CLVS1: variants seen among roughly 807,000 people sequenced by gnomAD.
CLVS1 encodes the protein clavesin-1.
CLVS1 carries 10 observed loss-of-function variants against 33.1 expected under a neutral mutation model. The ratio of observed to expected loss-of-function variants is 0.30; its 90% CI spans 0.19 to 0.51. CLVS1 has a LOEUF of 0.51. CLVS1 is among the 20% of genes least tolerant of loss of function. The pLI is 0.97. For synonymous variants in CLVS1, 163 were observed against 166.1 expected (o/e 0.98, Z 0.14); for missense variants, 343 against 433.4 (o/e 0.79, Z 1.85).
chr8:61,058,635 G>A (rs1005766751), intron 1 of CLVS1, among the ~76,000 whole-genome samples: 1 of 152,154 alleles, frequency 6.6e-6, no homozygotes, highest in African/African-American at 2.4e-5. Context: ...CATCACTACT[G>A]TCAAGATAGT....
chr8:60,964,968 C>T, the CLVS1 span: 1 of 152,072 alleles, frequency 6.6e-6, no homozygotes, highest in East Asian at 1.9e-4. Context: ...TAGGAGCAGG[C>T]CTGGGAAGTT....
chr8:61,209,774 G>T (rs1318225047), intron 2 of CLVS1, among the ~76,000 whole-genome samples: 1 of 152,192 alleles, frequency 6.6e-6, no homozygotes, highest in Non-Finnish European at 1.5e-5. Context: ...TGAATTTCAA[G>T]GTCAGTGTGG....
At chr8:61,186,718 T>C (rs972538869) in intron 2 of CLVS1, among the ~76,000 whole-genome samples, 1 of 152,072 alleles carries the variant, frequency 6.6e-6, no homozygotes, top group African/African-American at 2.4e-5. Context: ...GACTCTGTAA[T>C]TGAAAATAGT....
At chr8:61,060,063 G>GATC (rs1804557334) in intron 1 of CLVS1, among the ~76,000 whole-genome samples, 1 of 152,088 alleles carries the variant, frequency 6.6e-6, no homozygotes, top group South Asian at 2.1e-4. Flanking sequence ...TTGGCAGTAG[G>GATC]ATCACTCACC....
the CLVS1 span, among the ~76,000 whole-genome samples, chr8:61,049,894 T>A: frequency 1.3e-5 from 2 of 152,274 alleles, no homozygotes; most frequent in Admixed American, 6.5e-5. Flanking sequence ...TGTATAGTTC[T>A]AAGCTGCAAC....
At chr8:61,147,873 TGACGCTGTCAG>T (rs199550829) in intron 2 of CLVS1, among the ~76,000 whole-genome samples, 2,036 of 152,334 alleles carry the variant, frequency 0.013, 53 homozygotes, top group African/African-American at 0.047. Context: ...TCAATTGCAA[TGACGCTGTCAG>T]GAACCCCTGA....
intron 3 of CLVS1, among the ~76,000 whole-genome samples, chr8:61,427,660 C>T (rs1815944150): frequency 6.6e-6 from 1 of 152,196 alleles, no homozygotes; most frequent in Admixed American, 6.5e-5. Flanking sequence ...TCCTCACAGT[C>T]ACCTGCAGAA....
rs535320346 is a variant in CLVS1, at chr8:61,096,290, A to T, written c.-242-35480A>T. ...ATAAATGCTGCCACCTACAGGAGAGAGTGGGTTTGCGCAAGGGCGACTGCA... is the reference window on the plus strand; with the variant it reads ...ATAAATGCTGCCACCTACAGGAGAGTGTGGGTTTGCGCAAGGGCGACTGCA... On this transcript the variant is annotated intron_variant, in intron 1 of 2. Coordinates refer to the CLVS1 transcript ENST00000522621. Among the ~76,000 whole-genome samples, 5 of 152,306 alleles carry T rather than the reference A, an allele frequency of 3.3e-5. No homozygotes were observed. The East Asian group carries it at 9.6e-4, about 29-fold the overall frequency.
At chr8:61,361,304 GT>G (rs1456900849) in intron 2 of CLVS1, among the ~76,000 whole-genome samples, 2 of 152,218 alleles carry the variant, frequency 1.3e-5, no homozygotes, top group Non-Finnish European at 2.9e-5. Context: ...TGACTAATGT[GT>G]CAGGGAAGAA....
intron 2 of CLVS1, among the ~76,000 whole-genome samples, chr8:61,196,168 G>A (rs1367829588): frequency 6.6e-6 from 1 of 152,162 alleles, no homozygotes; most frequent in Non-Finnish European, 1.5e-5. Flanking sequence ...TTATGTGCCA[G>A]GAGCTCTGTG....
chr8:61,132,405 A>T (rs1054620977), intron 2 of CLVS1, among the ~76,000 whole-genome samples: 1 of 152,180 alleles, frequency 6.6e-6, no homozygotes, highest in African/African-American at 2.4e-5. Flanking sequence ...GGCTGGAGAG[A>T]CATAGTCCTG....
chr8:61,091,161 G>C (rs1314083569), intron 1 of CLVS1, among the ~76,000 whole-genome samples: 2 of 152,198 alleles, frequency 1.3e-5, no homozygotes, highest in Admixed American at 1.3e-4. Context: ...AGGGATGCAG[G>C]AGGAGTGAAG....
intron 5 of CLVS1, 49 bp from the exon 6 acceptor site, chr8:61,499,406 T>A: frequency 1.5e-6 from 2 of 1,365,648 alleles, no homozygotes. Flanking sequence ...TCCAAAATTG[T>A]CACCATGAAT....
At chr8:61,051,395 G>C in the CLVS1 span, among the ~76,000 whole-genome samples, 3 of 152,232 alleles carry the variant, frequency 2.0e-5, no homozygotes. Context: ...GGGTGTAGGG[G>C]AGTTGGGAAA....
At chr8:61,459,861 T>C (rs769602284) in intron 5 of CLVS1, among the ~76,000 whole-genome samples, 3 of 152,202 alleles carry the variant, frequency 2.0e-5, no homozygotes, top group Admixed American at 6.5e-5. Flanking sequence ...AAGGGCAAGA[T>C]CAAGGTGTTG....
intron 1 of CLVS1, among the ~76,000 whole-genome samples, chr8:61,087,811 G>T (rs1805153904): frequency 6.6e-6 from 1 of 151,810 alleles, no homozygotes; most frequent in African/African-American, 2.4e-5. Flanking sequence ...TTGAATGCTG[G>T]GTACACTTAA....
intron 3 of CLVS1, among the ~76,000 whole-genome samples, chr8:61,406,682 A>G (rs999680578): frequency 2.6e-5 from 4 of 151,858 alleles, no homozygotes; most frequent in Admixed American, 2.6e-4. Context: ...GTCTCGGCTC[A>G]CTGCAACCTC....
intron 2 of CLVS1, among the ~76,000 whole-genome samples, chr8:61,218,168 T>G (rs1808132740): frequency 6.6e-6 from 1 of 152,130 alleles, no homozygotes; most frequent in African/African-American, 2.4e-5. Flanking sequence ...CCAAAAGAAA[T>G]GAAATCATAA....
the CLVS1 span, among the ~76,000 whole-genome samples, chr8:61,045,175 A>G: frequency 1.3e-5 from 2 of 152,238 alleles, no homozygotes; most frequent in Non-Finnish European, 2.9e-5. Context: ...GTAAGCTCAA[A>G]AAAGCTAAGA....
Sources: gnomAD v4.1 joint callset for allele counts (sites outside exome capture counted in the v4.1 genomes callset) on GRCh38, gnomAD v4.1.1 for gene constraint, MANE v1.5 for transcripts, NCBI Gene and HGNC (gene_info 2026-07-23, HGNC 2026-07-21) for gene names.